The following RO60 variants were observed in gnomAD, a reference collection of about 807,000 sequenced individuals.
The protein encoded by RO60 is Ro60, Y RNA binding protein, also known as RNA-binding protein RO60.
Under a neutral mutation model 55.3 loss-of-function variants are expected in RO60, and 20 were observed. The ratio of observed to expected loss-of-function variants is 0.36; its 90% CI spans 0.25 to 0.53. The LOEUF (loss-of-function observed/expected upper bound fraction) is 0.53, where lower values mean the gene tolerates loss of function less well. RO60 is among the 20% of genes least tolerant of loss of function. The pLI is 0.92. For synonymous variants in RO60, 213 were observed against 213.6 expected (o/e 1.00, Z 0.02); for missense variants, 558 against 646.6 (o/e 0.86, Z 1.49).
Position 193,072,348 on chromosome 1 carries a change from C to A in RO60, c.580+2714C>A, listed in dbSNP as rs187062924. 1.1e-3 allele frequency among the ~76,000 whole-genome samples: 167 copies of A among 152,058 alleles called. 1 individual carries two copies. Among genetic ancestry groups the A allele is most frequent in the African/African-American group, 3.9e-3 (161 of 41,478 alleles). On this transcript the variant is annotated intron_variant, in intron 2 of 8. Coordinates refer to ENST00000400968, the MANE Select transcript of RO60 (RefSeq NM_001173524.2). ...GCACCTACTATGGATAGAAACTGTT[C>A]TAAGAACTTGGGGTTCATATTAGAG...
rs1370839107 is a variant in RO60, at chr1:193,088,367, A to T, written c.*3636A>T. 1 of 126,254 alleles carries T rather than the reference A, an allele frequency of 7.9e-6. No individual in the cohort carries two copies. Among genetic ancestry groups the T allele is most frequent in the Non-Finnish European group, 1.7e-5 (1 of 58,170 alleles). 7.8% of individuals were successfully genotyped at this position (126,254 alleles called of 1,614,324 possible). ...CCAGTAAATCTACAAATAGTAAAGT[A>T]CTATTTTCATCAGGGATTTTTTTTT... On this transcript the variant is annotated 3_prime_UTR_variant, in exon 9 of 9. Coordinates refer to ENST00000400968, the MANE Select transcript of RO60 (RefSeq NM_001173524.2).
At chr1:193,067,640 T>A (rs1336184866) in intron 1 of RO60, among the ~76,000 whole-genome samples, 1 of 152,168 alleles carries the variant, frequency 6.6e-6, no homozygotes, top group African/African-American at 2.4e-5. Context: ...ACATGACAGA[T>A]TGAAGGACCT....
intron 6 of RO60, 49 bp downstream of exon 6, chr1:193,081,529 A>G (rs1470729318): frequency 8.2e-6 from 8 of 971,918 alleles, no homozygotes; most frequent in Non-Finnish European, 1.1e-5. Context: ...TGTTTACTGT[A>G]GAGCAAAACT....
At chr1:193,073,803 T>G (rs1185700517) in intron 2 of RO60, among the ~76,000 whole-genome samples, 1 of 152,074 alleles carries the variant, frequency 6.6e-6, no homozygotes, top group Non-Finnish European at 1.5e-5. Flanking sequence ...TTGTTACATA[T>G]GTATACATGT....
At chr1:193,061,939 G>A (rs1013219495) in intron 1 of RO60, among the ~76,000 whole-genome samples, 3 of 149,858 alleles carry the variant, frequency 2.0e-5, no homozygotes, top group Non-Finnish European at 3.0e-5. Flanking sequence ...AGTGGAGATC[G>A]CGCCACTACA....
In RO60 at chr1:193,069,518, G is replaced by A. The variant is rs1673337514; in HGVS notation, c.464G>A (p.Trp155Ter). 6.2e-7 allele frequency: 1 copy of A among 1,614,054 alleles called. No individual in the cohort carries two copies. Among genetic ancestry groups the A allele is most frequent in the South Asian group, 1.1e-5 (1 of 91,090 alleles). The change falls in exon 2 of 9, where the codon TGG (tryptophan) becomes TAG (stop). Residue 155 changes from tryptophan to a stop codon, truncating the protein, a stop_gained. Transcript: ENST00000400968. LOFTEE classifies it high-confidence loss of function. ...GCCCTCCGGAAGGCTATAGCGGACT[G>A]GTACAATGAGAAAGGTGGCATGGCC... Reference protein sequence around the residue: ...GRALRKAIADWYNEKGGMALA... With the variant: ...GRALRKAIAD
rs987665945 is a variant in RO60, at chr1:193,090,824, C to T, written c.*6093C>T. 6.6e-6 allele frequency: 1 copy of T among 151,694 alleles called. No homozygotes were observed. The highest frequency in any genetic ancestry group is 1.5e-5 in the Non-Finnish European group (1 of 67,920). 9.4% of individuals were successfully genotyped at this position (151,694 alleles called of 1,614,324 possible). On this transcript the variant is annotated 3_prime_UTR_variant, in exon 9 of 9. Coordinates refer to ENST00000400968, the MANE Select transcript of RO60 (RefSeq NM_001173524.2). Reference sequence around the variant, plus strand: ...TCCTTGGGGTCTGTTTAAATAATGCCTTAATAGTGTTCTAATGTTTCTGAA... The same window carrying T: ...TCCTTGGGGTCTGTTTAAATAATGCTTTAATAGTGTTCTAATGTTTCTGAA...
intron 1 of RO60, among the ~76,000 whole-genome samples, chr1:193,063,378 T>C (rs1298002202): frequency 1.3e-5 from 2 of 152,240 alleles, no homozygotes; most frequent in Non-Finnish European, 2.9e-5. Context: ...GGAGTAATAT[T>C]CACATCTTTT....
Position 193,076,908 on chromosome 1 carries a change from T to A in RO60, c.949-5T>A, listed in dbSNP as rs771761068. The A allele has an allele frequency of 3.7e-6, 6 of 1,603,924 alleles. No homozygotes were observed. The highest frequency in any genetic ancestry group is 4.3e-6 in the Non-Finnish European group (5 of 1,174,678). ...GCTAAAATTTTCCTTATACTTTGTT[T>A]CTAGGCTCGTATACATCCATTTCAT... On this transcript the variant is annotated splice_polypyrimidine_tract_variant and splice_region_variant and intron_variant, in intron 4 of 8. Coordinates refer to ENST00000400968, the MANE Select transcript of RO60 (RefSeq NM_001173524.2).
chr1:193,066,172 A>G (rs986298273), intron 1 of RO60, among the ~76,000 whole-genome samples: 1 of 152,210 alleles, frequency 6.6e-6, no homozygotes, highest in African/African-American at 2.4e-5. Flanking sequence ...CTCAACCTGG[A>G]TGCTCTAAGC....
intron 5 of RO60, among the ~76,000 whole-genome samples, chr1:193,078,685 T>C (rs184809435): frequency 6.6e-6 from 1 of 151,890 alleles, no homozygotes; most frequent in East Asian, 1.9e-4. Context: ...GTAAGACTTA[T>C]ACACTGAGAA....
chr1:193,069,707 A>AT, intron 2 of RO60, 73 bp downstream of exon 2: 1 of 1,188,538 alleles, frequency 8.4e-7, no homozygotes, highest in Admixed American at 2.5e-5. Flanking sequence ...TTTATTTAAC[A>AT]TAAGACAAGT....
At chr1:193,080,866 T>A (rs910248689) in intron 5 of RO60, among the ~76,000 whole-genome samples, 4 of 152,168 alleles carry the variant, frequency 2.6e-5, no homozygotes, top group African/African-American at 9.6e-5. Context: ...GGGAGAGACA[T>A]GGCAATGGGG....
intron 1 of RO60, among the ~76,000 whole-genome samples, chr1:193,067,218 C>T (rs1388861440): frequency 7.0e-6 from 1 of 142,712 alleles, no homozygotes; most frequent in Non-Finnish European, 1.5e-5. Context: ...CAGAGTCTCG[C>T]TCTGTCCCCC....
intron 1 of RO60, among the ~76,000 whole-genome samples, chr1:193,063,022 A>G (rs775368412): frequency 6.6e-6 from 1 of 152,192 alleles, no homozygotes; most frequent in Non-Finnish European, 1.5e-5. Flanking sequence ...GTTTAGATAC[A>G]TGTATTCATT....
intron 5 of RO60, among the ~76,000 whole-genome samples, chr1:193,077,687 G>A (rs1055714336): frequency 6.6e-6 from 1 of 152,108 alleles, no homozygotes; most frequent in African/African-American, 2.4e-5. Flanking sequence ...TGGGGACACA[G>A]CCAAACCATA....
intron 2 of RO60, among the ~76,000 whole-genome samples, chr1:193,074,186 G>C (rs1467648851): frequency 1.3e-5 from 2 of 152,022 alleles, no homozygotes; most frequent in Non-Finnish European, 2.9e-5. Context: ...GAATAGTGCC[G>C]CAATAAACAT....
chr1:193,069,976 A>G (rs1412571031), intron 2 of RO60, among the ~76,000 whole-genome samples: 3 of 152,204 alleles, frequency 2.0e-5, no homozygotes, highest in Non-Finnish European at 4.4e-5. Context: ...ATATGGGTAC[A>G]GTCACTAGAA....
chr1:193,089,637 A>G lies in RO60; in HGVS notation c.*4906A>G, dbSNP rs1674773036. 1 of 152,102 alleles carries G rather than the reference A, an allele frequency of 6.6e-6. No homozygotes were observed. The highest frequency in any genetic ancestry group is 1.5e-5 in the Non-Finnish European group (1 of 68,006). 9.4% of individuals were successfully genotyped at this position (152,102 alleles called of 1,614,324 possible). A position where few individuals can be genotyped will look rare whatever the true frequency, so the allele number is the denominator to read the frequency against. On this transcript the variant is annotated 3_prime_UTR_variant, in exon 9 of 9. Transcript: ENST00000400968. Reference sequence around the variant, plus strand: ...AGTGGAGAACATCTTAGAAAATTCTATTGTGGAAATTACGATGATTATTTT... The same window carrying G: ...AGTGGAGAACATCTTAGAAAATTCTGTTGTGGAAATTACGATGATTATTTT...
Sources: allele counts gnomAD v4.1 joint callset (sites outside exome capture counted in the v4.1 genomes callset), GRCh38; gene constraint gnomAD v4.1.1; transcripts MANE v1.5; gene names NCBI Gene and HGNC (gene_info 2026-07-23, HGNC 2026-07-21).